PEAK1: variants seen among roughly 807,000 people sequenced by gnomAD.
PEAK1 encodes the protein inactive tyrosine-protein kinase PEAK1.
In PEAK1, 54 loss-of-function variants were observed where a neutral mutation model predicts 124.7. The ratio of observed to expected loss-of-function variants is 0.43; its 90% CI spans 0.35 to 0.54. PEAK1 has a LOEUF of 0.54. PEAK1 is among the 20% of genes least tolerant of loss of function. The pLI is 0.01. For synonymous variants in PEAK1, 719 were observed against 760.0 expected (o/e 0.95, Z 0.89); for missense variants, 2,046 against 2,134.5 (o/e 0.96, Z 0.82).
intron 5 of PEAK1, among the ~76,000 whole-genome samples, chr15:77,259,558 G>C (rs2061334193): frequency 6.6e-6 from 1 of 152,146 alleles, no homozygotes; most frequent in South Asian, 2.1e-4. Flanking sequence ...TTTCTTGGGA[G>C]CTTCTGAATT....
At chr15:77,215,201 T>A (rs139081013) in intron 6 of PEAK1, among the ~76,000 whole-genome samples, 1 of 152,228 alleles carries the variant, frequency 6.6e-6, no homozygotes, top group Non-Finnish European at 1.5e-5. Flanking sequence ...ATATATTTAC[T>A]GTGAAGTTCA....
Position 77,255,093 on chromosome 15 carries a change from C to T in PEAK1, c.-274-2567G>A, listed in dbSNP as rs545289830. Among the ~76,000 whole-genome samples the T allele has an allele frequency of 3.9e-5, 6 of 152,144 alleles. No individual in the cohort carries two copies. The East Asian group carries it at 9.7e-4, about 24-fold the overall frequency. On this transcript the variant is annotated intron_variant, in intron 5 of 9. Coordinates refer to ENST00000682557, the MANE Select transcript of PEAK1 (RefSeq NM_001385026.1). ...GGAGTAGAATTTTCCAGATATAGGGCACACATGTATTAAGATAGGAAGGAG... is the reference window on the plus strand; with the variant it reads ...GGAGTAGAATTTTCCAGATATAGGGTACACATGTATTAAGATAGGAAGGAG...
At chr15:77,317,179 T>C (rs976656672) in intron 2 of PEAK1, among the ~76,000 whole-genome samples, 14 of 152,112 alleles carry the variant, frequency 9.2e-5, no homozygotes, top group Admixed American at 3.9e-4. Flanking sequence ...AGAAAAAAAA[T>C]ACAACAAAGA....
At chr15:77,317,594 C>T (rs2064955957) in intron 2 of PEAK1, among the ~76,000 whole-genome samples, 1 of 152,072 alleles carries the variant, frequency 6.6e-6, no homozygotes, top group Non-Finnish European at 1.5e-5. Context: ...GCATGTGTTC[C>T]CAGAGCTGGT....
At chr15:77,419,514 G>A (rs2073186771) in intron 1 of PEAK1, 1 of 985,216 alleles carries the variant, frequency 1.0e-6, no homozygotes, top group Non-Finnish European at 1.2e-6. Context: ...GCTCCGTCCC[G>A]ACGCTGCCGG....
intron 5 of PEAK1, among the ~76,000 whole-genome samples, chr15:77,269,506 C>T (rs2061919049): frequency 6.6e-6 from 1 of 151,978 alleles, no homozygotes; most frequent in South Asian, 2.1e-4. Flanking sequence ...ACTGGAGCTC[C>T]CAATTTATAA....
intron 8 of PEAK1, among the ~76,000 whole-genome samples, chr15:77,152,710 T>C (rs1042567407): frequency 1.3e-5 from 2 of 152,218 alleles, no homozygotes; most frequent in African/African-American, 4.8e-5. Context: ...GGTTGTTGAA[T>C]TTTGTCAAAG....
intron 2 of PEAK1, among the ~76,000 whole-genome samples, chr15:77,321,732 A>G (rs2153019073): frequency 6.6e-6 from 1 of 152,254 alleles, no homozygotes; most frequent in African/African-American, 2.4e-5. Flanking sequence ...GTCCTTGCCC[A>G]TGCCTATGTC....
chr15:77,121,781 T>C (rs1596257705), intron 9 of PEAK1, among the ~76,000 whole-genome samples: 1 of 152,222 alleles, frequency 6.6e-6, no homozygotes, highest in South Asian at 2.1e-4. Flanking sequence ...TCTCACTCTA[T>C]GCATTCTATA....
intron 6 of PEAK1, among the ~76,000 whole-genome samples, chr15:77,223,373 T>G (rs995455870): frequency 6.6e-6 from 1 of 151,978 alleles, no homozygotes; most frequent in Non-Finnish European, 1.5e-5. Context: ...TTAGTAGAGT[T>G]TTACCTTAGA....
intron 6 of PEAK1, among the ~76,000 whole-genome samples, chr15:77,194,139 T>A (rs1426162852): frequency 6.6e-6 from 1 of 152,098 alleles, no homozygotes; most frequent in Non-Finnish European, 1.5e-5. Context: ...TCAGACTGGG[T>A]CAACTTTTGA....
intron 9 of PEAK1, among the ~76,000 whole-genome samples, chr15:77,124,141 T>C (rs1293706524): frequency 6.6e-6 from 1 of 152,268 alleles, no homozygotes; most frequent in East Asian, 1.9e-4. Flanking sequence ...CTTCTGAGTC[T>C]TCATTCTGCA....
intron 1 of PEAK1, among the ~76,000 whole-genome samples, chr15:77,395,753 CAGACAAACAAA>C (rs1258721083): frequency 1.3e-5 from 2 of 152,000 alleles, no homozygotes; most frequent in African/African-American, 4.8e-5. Flanking sequence ...AGGGCTTTCC[CAGACAAACAAA>C]AGTCAAACAA....
At chr15:77,410,985 T>G (rs1457340172) in intron 1 of PEAK1, among the ~76,000 whole-genome samples, 1 of 152,218 alleles carries the variant, frequency 6.6e-6, no homozygotes, top group African/African-American at 2.4e-5. Flanking sequence ...AGCCTACCTA[T>G]TTTTAATGCA....
At chr15:77,404,207 A>G (rs1374397750) in intron 1 of PEAK1, 1 of 985,336 alleles carries the variant, frequency 1.0e-6, no homozygotes, top group Admixed American at 6.1e-5. Context: ...GTGAGACACC[A>G]AAGTGAGTGT....
chr15:77,336,985 T>C (rs1009755372), intron 2 of PEAK1: 1 of 438,870 alleles, frequency 2.3e-6, no homozygotes, highest in African/African-American at 2.1e-5. Context: ...CTATATAATA[T>C]TTTCCAAAGA....
chr15:77,263,208 G>A (rs1398518013), intron 5 of PEAK1, among the ~76,000 whole-genome samples: 1 of 151,974 alleles, frequency 6.6e-6, no homozygotes, highest in Non-Finnish European at 1.5e-5. Flanking sequence ...AGAAGCAAGA[G>A]GAAACACATT....
At chr15:77,286,316 G>T in intron 3 of PEAK1, 107 bp downstream of exon 3, 3 of 547,226 alleles carry the variant, frequency 5.5e-6, no homozygotes, top group Non-Finnish European at 8.2e-6. Context: ...TACTACTATG[G>T]CAAGGTTTAA....
In PEAK1 at chr15:77,404,194, C is replaced by T. The variant is rs920710844; in HGVS notation, c.-666+15812G>A. On this transcript the variant is annotated intron_variant, in intron 1 of 9. Coordinates refer to ENST00000682557, the MANE Select transcript of PEAK1 (RefSeq NM_001385026.1). ...TTTTATTGAGGCAAAGGTTTAACATCTTGTGAGACACCAAAGTGAGTGTTC... is the reference window on the plus strand; with the variant it reads ...TTTTATTGAGGCAAAGGTTTAACATTTTGTGAGACACCAAAGTGAGTGTTC... The T allele has an allele frequency of 6.3e-5, 62 of 985,262 alleles. 1 individual carries two copies. Among genetic ancestry groups the T allele is most frequent in the Non-Finnish European group, 7.5e-5 (62 of 829,934 alleles). 61.0% of individuals were successfully genotyped at this position (985,262 alleles called of 1,614,324 possible).
Sources: allele counts gnomAD v4.1 joint callset (sites outside exome capture counted in the v4.1 genomes callset), GRCh38; gene constraint gnomAD v4.1.1; transcripts MANE v1.5; gene names NCBI Gene and HGNC (gene_info 2026-07-23, HGNC 2026-07-21).